The following ZNF212 variants were observed in gnomAD, a reference collection of about 807,000 sequenced individuals.
ZNF212 encodes Zinc finger protein C2H2-150.
Under a neutral mutation model 47.3 loss-of-function variants are expected in ZNF212, and 32 were observed. The observed-to-expected ratio is 0.68, with a 90% CI of 0.51 to 0.91. ZNF212 has a LOEUF of 0.91. Among genes scored for constraint, ZNF212 ranks in the 40% least tolerant of loss-of-function variants. The pLI is 0.00. For synonymous variants in ZNF212, 242 were observed against 253.8 expected, an observed-to-expected ratio of 0.95 and a Z score of 0.44; for missense variants, 555 against 622.8, an observed-to-expected ratio of 0.89 and a Z score of 1.16.
intron 4 of ZNF212, 67 bp from the exon 5 acceptor site, chr7:149,253,492 T>G: frequency 3.3e-6 from 5 of 1,516,364 alleles, no homozygotes; most frequent in Non-Finnish European, 4.4e-6. Context: ...CAGATGTTTG[T>G]TTGGTCCTGA....
intron 1 of ZNF212, among the ~76,000 whole-genome samples, chr7:149,241,218 G>A (rs1184289007): frequency 2.6e-5 from 4 of 152,142 alleles, no homozygotes; most frequent in Non-Finnish European, 4.4e-5. Flanking sequence ...CGGATCACGA[G>A]GTCAGGAGTT....
In ZNF212 at chr7:149,250,424, TG is replaced by T; in HGVS notation, c.294del (p.Thr99ProfsTer71). ...GNQLEGKWAV[L>X]GTLLQEYGLL... ...CAGCTGGAGGGCAAGTGGGCCGTGC[TG>T]GGGACCCTGCTGCAGGAGTATGGGC... On this transcript the variant is annotated frameshift_variant, in exon 2 of 5. Transcript: ENST00000335870. LOFTEE classifies it high-confidence loss of function. 1 of 1,614,146 alleles carries T rather than the reference TG, an allele frequency of 6.2e-7. No individual in the cohort carries two copies. Among genetic ancestry groups the T allele is most frequent in the Non-Finnish European group, 8.5e-7 (1 of 1,180,024 alleles).
At position 149,254,101 on chromosome 7, in the gene ZNF212, C is replaced by G. The variant is rs373648433; in HGVS notation, c.1174C>G (p.Leu392Val). 1 of 1,613,364 alleles carries G rather than the reference C, an allele frequency of 6.2e-7. No individual in the cohort carries two copies. The highest frequency in any genetic ancestry group is 8.5e-7 in the Non-Finnish European group (1 of 1,179,672). ...VSLVTHQRCH[L>V]QEGPSAGQHV... is the part of the protein sequence containing the mutation. ...CCTGGTGACCCATCAGCGTTGCCAC[C>G]TGCAGGAGGGGCCCAGTGCCGGCCA... The change falls in exon 5 of 5, where the codon CTG becomes GTG. Residue 392 changes from leucine (L) to valine (V), a missense_variant. Physicochemically the swap from Leu to Val is conservative, Grantham distance 32. Transcript: ENST00000335870. The surrounding 1 kb of genome is among the most constrained non-coding windows in gnomAD (Gnocchi z 4.5).
Position 149,254,469 on chromosome 7 carries a change from C to G in ZNF212, c.*54C>G, listed in dbSNP as rs757765093. 2.0e-6 allele frequency: 3 copies of G among 1,532,828 alleles called. No homozygotes were observed. The highest frequency in any genetic ancestry group is 2.7e-5 in the African/African-American group (2 of 73,156). The allele number at this position is 1,532,828 out of a possible 1,614,324, so 95.0% of individuals were successfully genotyped here. ...TGGAGGGGGGTGGCATTGGTTCCCCCGAAGAGACACTGCAGTCAGGGACTG... is the reference window on the plus strand; with the variant it reads ...TGGAGGGGGGTGGCATTGGTTCCCCGGAAGAGACACTGCAGTCAGGGACTG... On this transcript the variant is annotated 3_prime_UTR_variant, in exon 5 of 5. Transcript: ENST00000335870. The surrounding 1 kb of genome is among the most constrained non-coding windows in gnomAD (Gnocchi z 4.5).
intron 1 of ZNF212, among the ~76,000 whole-genome samples, chr7:149,247,105 C>T (rs1041026692): frequency 4.0e-5 from 6 of 151,470 alleles, no homozygotes; most frequent in Non-Finnish European, 2.9e-5. Context: ...AGCCACCATG[C>T]CCGGCCCTTC....
intron 1 of ZNF212, among the ~76,000 whole-genome samples, chr7:149,240,392 C>CA: frequency 6.9e-6 from 1 of 144,806 alleles, no homozygotes; most frequent in Non-Finnish European, 1.5e-5. Flanking sequence ...ACCCCCCCCC[C>CA]AACACCCCCC....
At position 149,252,716 on chromosome 7, in the gene ZNF212, C is replaced by A. The variant is rs1050631621; in HGVS notation, c.552C>A (p.Gly184=). The A allele has an allele frequency of 2.5e-6, 4 of 1,613,938 alleles. No homozygotes were observed. In the African/African-American group the frequency reaches 5.3e-5, roughly 22 times the overall value. The change falls in exon 4 of 5, where the codon GGC becomes GGA. Residue 184 remains glycine (G), a synonymous_variant. Transcript: ENST00000335870. The part of the protein sequence containing the change: ...YETLVSLKVL[G]QTEGEAELGT... ...CTGTTTCCCACCCAGAGGTCCTTGG[C>A]CAGACAGAGGGAGAAGCGGAGTTGG...
chr7:149,252,847 G>C (rs772405202), intron 4 of ZNF212, 52 bp downstream of exon 4: 3 of 1,582,644 alleles, frequency 1.9e-6, no homozygotes, highest in Admixed American at 1.8e-5. Context: ...CTGTAGCCTA[G>C]AGTGAGCTTT....
intron 1 of ZNF212, among the ~76,000 whole-genome samples, chr7:149,245,360 A>G (rs867528388): frequency 1.4e-4 from 6 of 42,452 alleles, no homozygotes; most frequent in African/African-American, 1.6e-4. Flanking sequence ...TCCATCTCAG[A>G]AAAAAAAAAA....
In ZNF212 at chr7:149,254,084, C is replaced by T; in HGVS notation, c.1157C>T (p.Thr386Ile). Residue 386 changes from threonine to isoleucine, a missense_variant, in exon 5 of 5, where the codon ACC becomes ATC. Coordinates refer to ENST00000335870, the MANE Select transcript of ZNF212 (RefSeq NM_012256.4). The surrounding 1 kb of genome is among the most constrained non-coding windows in gnomAD (Gnocchi z 4.5). ...TTCAGCTGCAAGGTGAGCCTGGTGA[C>T]CCATCAGCGTTGCCACCTGCAGGAG... ...RSFSCKVSLV[T>I]HQRCHLQEGP... The T allele has an allele frequency of 6.2e-7, 1 of 1,612,866 alleles. No homozygotes were observed. Among genetic ancestry groups the T allele is most frequent in the East Asian group, 2.2e-5 (1 of 44,834 alleles).
In ZNF212 at chr7:149,254,422, A is replaced by G. The variant is rs372130773; in HGVS notation, c.*7A>G. ...GCCCAATGGCCTGCTTTAAGGGTGC[A>G]GCCCCTCGCCCGTCTGGGGGATGGA... On this transcript the variant is annotated 3_prime_UTR_variant, in exon 5 of 5. Coordinates refer to ENST00000335870, the MANE Select transcript of ZNF212 (RefSeq NM_012256.4). The surrounding 1 kb of genome is among the most constrained non-coding windows in gnomAD (Gnocchi z 4.5). 17 of 1,587,918 alleles carry G rather than the reference A, an allele frequency of 1.1e-5. No homozygotes were observed. The African/African-American group carries it at 1.9e-4, about 17-fold the overall frequency.
chr7:149,255,236 G>A lies in ZNF212; in HGVS notation c.*821G>A, dbSNP rs1280557759. On this transcript the variant is annotated 3_prime_UTR_variant, in exon 5 of 5. Coordinates refer to ENST00000335870, the MANE Select transcript of ZNF212 (RefSeq NM_012256.4). ...ATGGTATGGCTGTGGTCTGGGACTT[G>A]CGGTGTCTCGGCATACCCCTCTCCT... 6.6e-6 allele frequency: 1 copy of A among 152,634 alleles called. No individual in the cohort carries two copies. The highest frequency in any genetic ancestry group is 1.5e-5 in the Non-Finnish European group (1 of 68,104). 9.5% of individuals were successfully genotyped at this position (152,634 alleles called of 1,614,324 possible). A position where few individuals can be genotyped will look rare whatever the true frequency, so the allele number is the denominator to read the frequency against.
chr7:149,252,658 T>G, intron 3 of ZNF212, 48 bp from the exon 4 acceptor site: 5 of 1,579,196 alleles, frequency 3.2e-6, no homozygotes, highest in African/African-American at 1.3e-5. Context: ...CAGTGTGCAG[T>G]GAGCTTTCAC....
Position 149,253,698 on chromosome 7 carries a change from T to A in ZNF212, c.771T>A (p.Ser257Arg), listed in dbSNP as rs151148173. ...EQTELWGGQG[S>R]SVLLETGPGD... Reference sequence around the variant, plus strand: ...CCGAACTCTGGGGTGGTCAGGGCAGTTCTGTCCTCTTGGAAACAGGTCCTG... The same window carrying A: ...CCGAACTCTGGGGTGGTCAGGGCAGATCTGTCCTCTTGGAAACAGGTCCTG... Residue 257 changes from serine to arginine, a missense_variant, in exon 5 of 5, where the codon AGT becomes AGA. Transcript: ENST00000335870. The A allele has an allele frequency of 3.9e-5, 63 of 1,614,166 alleles. No individual in the cohort carries two copies. The African/African-American group carries it at 7.2e-4, about 18-fold the overall frequency.
At chr7:149,252,857 TC>T (rs1796778917) in intron 4 of ZNF212, 62 bp downstream of exon 4, 1 of 1,550,322 alleles carries the variant, frequency 6.5e-7, no homozygotes, top group Non-Finnish European at 8.8e-7. Context: ...GAGTGAGCTT[TC>T]CCACGGCTGA....
intron 1 of ZNF212, among the ~76,000 whole-genome samples, chr7:149,240,528 C>T (rs1394821107): frequency 6.6e-6 from 1 of 152,126 alleles, no homozygotes. Flanking sequence ...CAACTGTGTT[C>T]GCTTCTCTGG....
chr7:149,253,357 A>G (rs189136295), intron 4 of ZNF212, among the ~76,000 whole-genome samples: 3 of 152,348 alleles, frequency 2.0e-5, no homozygotes, highest in Non-Finnish European at 4.4e-5. Flanking sequence ...ATACATTTAT[A>G]TTTCCAATCA....
intron 1 of ZNF212, among the ~76,000 whole-genome samples, chr7:149,240,450 T>C (rs1796572698): frequency 1.5e-5 from 2 of 129,906 alleles, no homozygotes; most frequent in Admixed American, 9.3e-5. Context: ...AGATACGGAG[T>C]TTGGTGTGAG....
At chr7:149,248,104 G>A (rs1296494727) in intron 1 of ZNF212, among the ~76,000 whole-genome samples, 5 of 152,100 alleles carry the variant, frequency 3.3e-5, no homozygotes, top group African/African-American at 7.2e-5. Context: ...CTGTGGGAGC[G>A]CATTAATTTA....
Sources: allele counts gnomAD v4.1 joint callset (sites outside exome capture counted in the v4.1 genomes callset), GRCh38; gene constraint gnomAD v4.1.1; non-coding constraint Gnocchi (gnomAD v3.1); transcripts MANE v1.5; gene names NCBI Gene and HGNC (gene_info 2026-07-23, HGNC 2026-07-21).